ADCY8: variants seen among roughly 807,000 people sequenced by gnomAD.
The protein encoded by ADCY8 is adenylate cyclase type 8.
In ADCY8, 51 loss-of-function variants were observed where a neutral mutation model predicts 119.7. That is an observed-to-expected ratio of 0.43 (90% CI 0.34 to 0.54). The LOEUF is 0.54. Ranked by LOEUF, ADCY8 falls within the 20% of genes least tolerant of loss-of-function variation. ADCY8 has a pLI of 0.03. For missense variants in ADCY8, 1,383 were observed against 1,598.8 expected, an observed-to-expected ratio of 0.87 and a Z score of 2.30; for synonymous variants, 665 against 651.0, an observed-to-expected ratio of 1.02 and a Z score of -0.33.
chr8:130,803,503 C>T (rs981017779), intron 14 of ADCY8, among the ~76,000 whole-genome samples: 2 of 152,242 alleles, frequency 1.3e-5, no homozygotes, highest in East Asian at 1.9e-4. Flanking sequence ...TAATGCACAC[C>T]CTAGACAGTC....
intron 1 of ADCY8, among the ~76,000 whole-genome samples, chr8:130,995,729 TAGAC>T (rs1822752745): frequency 6.6e-6 from 1 of 152,184 alleles, no homozygotes; most frequent in Admixed American, 6.5e-5. Flanking sequence ...TTTTCTCGGA[TAGAC>T]ACTCCCTGAT....
intron 8 of ADCY8, among the ~76,000 whole-genome samples, chr8:130,868,512 T>G (rs2130393024): frequency 6.6e-6 from 1 of 152,344 alleles, no homozygotes. Flanking sequence ...AAGGCAGCCC[T>G]GGGGAATGGT....
At chr8:130,987,458 C>T (rs780322840) in intron 2 of ADCY8, among the ~76,000 whole-genome samples, 24 of 151,710 alleles carry the variant, frequency 1.6e-4, no homozygotes, top group Non-Finnish European at 3.1e-4. Context: ...AATTAATTCA[C>T]GGTTGAACAA....
chr8:130,862,128 G>A (rs1817952592), intron 9 of ADCY8, among the ~76,000 whole-genome samples: 1 of 152,016 alleles, frequency 6.6e-6, no homozygotes, highest in African/African-American at 2.4e-5. Flanking sequence ...ATATTGGTCG[G>A]TAGTAACTAG....
intron 5 of ADCY8, among the ~76,000 whole-genome samples, chr8:130,932,409 G>A (rs59807200): frequency 0.11 from 17,255 of 152,134 alleles, 2,034 homozygotes; most frequent in African/African-American, 0.3. Context: ...GGGATCATGA[G>A]GGTCTGCCTA....
intron 2 of ADCY8, among the ~76,000 whole-genome samples, chr8:130,981,099 T>A (rs1297932251): frequency 6.6e-6 from 1 of 152,206 alleles, no homozygotes; most frequent in Non-Finnish European, 1.5e-5. Flanking sequence ...TACTACACTA[T>A]ACTCAAAACT....
intron 6 of ADCY8, among the ~76,000 whole-genome samples, chr8:130,907,703 T>C (rs958397484): frequency 6.6e-6 from 1 of 152,204 alleles, no homozygotes; most frequent in Non-Finnish European, 1.5e-5. Flanking sequence ...CTCAGTCACT[T>C]TTCTGTTTCT....
chr8:130,838,176 A>C (rs750837240), intron 11 of ADCY8, among the ~76,000 whole-genome samples: 1 of 152,136 alleles, frequency 6.6e-6, no homozygotes, highest in Non-Finnish European at 1.5e-5. Flanking sequence ...GACATTGACA[A>C]GTGTGGAGAG....
At chr8:130,827,836 T>G (rs529368161) in intron 12 of ADCY8, among the ~76,000 whole-genome samples, 1 of 152,326 alleles carries the variant, frequency 6.6e-6, no homozygotes, top group East Asian at 1.9e-4. Flanking sequence ...AGCCTCCATT[T>G]TAGAACTAAA....
In ADCY8 at chr8:130,999,536, T is replaced by C. The variant is rs1822880561; in HGVS notation, c.961-8994A>G. On this transcript the variant is annotated intron_variant, in intron 1 of 17. Coordinates refer to ENST00000286355, the MANE Select transcript of ADCY8 (RefSeq NM_001115.3). ...GAAAGGGGGATATCTCCCTGGGGTG[T>C]CCTGAGGGGCCCGTCCTCTCCACTC... 3.3e-5 allele frequency among the ~76,000 whole-genome samples: 5 copies of C among 152,134 alleles called. 1 individual carries two copies. The South Asian group carries it at 8.3e-4, about 25-fold the overall frequency.
intron 9 of ADCY8, among the ~76,000 whole-genome samples, chr8:130,860,818 G>T (rs766598667): frequency 3.3e-5 from 5 of 152,038 alleles, no homozygotes; most frequent in Non-Finnish European, 7.4e-5. Flanking sequence ...AGGCCCCGGT[G>T]TGTGATGTGT....
chr8:131,002,528 CTG>C (rs1413840394), intron 1 of ADCY8, among the ~76,000 whole-genome samples: 2 of 152,168 alleles, frequency 1.3e-5, no homozygotes, highest in African/African-American at 4.8e-5. Context: ...GCTGTTGGCT[CTG>C]TGGCCATGCT....
At chr8:130,906,446 T>G (rs1175684043) in intron 6 of ADCY8, among the ~76,000 whole-genome samples, 3 of 152,224 alleles carry the variant, frequency 2.0e-5, no homozygotes, top group Non-Finnish European at 4.4e-5. Flanking sequence ...AGGGGACAAA[T>G]ACTTCCATGT....
At chr8:130,983,417 C>T (rs1010751388) in intron 2 of ADCY8, among the ~76,000 whole-genome samples, 1 of 152,120 alleles carries the variant, frequency 6.6e-6, no homozygotes, top group African/African-American at 2.4e-5. Flanking sequence ...GGTAATGAGT[C>T]TGTTGATGAG....
intron 5 of ADCY8, among the ~76,000 whole-genome samples, chr8:130,924,942 C>T (rs759433875): frequency 1.6e-4 from 24 of 151,876 alleles, no homozygotes; most frequent in Non-Finnish European, 2.2e-4. Flanking sequence ...GGCACGGTGG[C>T]TCACACCTGT....
At chr8:131,036,647 GAA>G (rs565631550) in intron 1 of ADCY8, among the ~76,000 whole-genome samples, 1 of 152,164 alleles carries the variant, frequency 6.6e-6, no homozygotes, top group Non-Finnish European at 1.5e-5. Context: ...GTGCTCTGGA[GAA>G]AATGAAACAA....
chr8:130,893,764 T>TTA (rs1266810271), intron 7 of ADCY8, among the ~76,000 whole-genome samples: 2 of 146,304 alleles, frequency 1.4e-5, no homozygotes, highest in Admixed American at 6.8e-5. Context: ...GTGTGCATGT[T>TTA]TATGTGTGTG....
intron 8 of ADCY8, among the ~76,000 whole-genome samples, chr8:130,882,521 C>T (rs1476908627): frequency 6.6e-6 from 1 of 152,054 alleles, no homozygotes; most frequent in Admixed American, 6.6e-5. Context: ...GAAATCAAGT[C>T]CTGGGGACTC....
intron 15 of ADCY8, among the ~76,000 whole-genome samples, chr8:130,789,588 G>A (rs139653861): frequency 6.6e-6 from 1 of 152,032 alleles, no homozygotes; most frequent in Non-Finnish European, 1.5e-5. Flanking sequence ...AACTTCACCC[G>A]ATATCCATAA....
Sources: gnomAD v4.1 joint callset for allele counts (sites outside exome capture counted in the v4.1 genomes callset) on GRCh38, gnomAD v4.1.1 for gene constraint, MANE v1.5 for transcripts, NCBI Gene and HGNC (gene_info 2026-07-23, HGNC 2026-07-21) for gene names.